CDH18: variants seen among roughly 807,000 people sequenced by gnomAD.
CDH18 encodes the protein cadherin 18, also known as cadherin-18.
In CDH18, 31 loss-of-function variants were observed where a neutral mutation model predicts 67.9. The ratio of observed to expected loss-of-function variants is 0.46; its 90% CI spans 0.34 to 0.62. CDH18 has a LOEUF of 0.62. Ranked by LOEUF, CDH18 falls within the 20% of genes least tolerant of loss-of-function variation. CDH18 has a pLI of 0.01. For synonymous variants in CDH18, 362 were observed against 347.2 expected, an observed-to-expected ratio of 1.04 and a Z score of -0.48; for missense variants, 890 against 975.5, an observed-to-expected ratio of 0.91 and a Z score of 1.17.
chr5:20,161,488 G>A (rs1286446976), intron 2 of CDH18, among the ~76,000 whole-genome samples: 4 of 152,180 alleles, frequency 2.6e-5, no homozygotes, highest in African/African-American at 4.8e-5. Flanking sequence ...TGTGGGACAT[G>A]ACTAGACAAA....
chr5:19,907,222 G>A (rs370127416), intron 2 of CDH18, among the ~76,000 whole-genome samples: 3 of 151,800 alleles, frequency 2.0e-5, no homozygotes, highest in East Asian at 1.9e-4. Context: ...TATCAAACCC[G>A]TGTCTGTAGA....
At chr5:19,605,724 T>C (rs555200523) in intron 6 of CDH18, among the ~76,000 whole-genome samples, 1 of 152,128 alleles carries the variant, frequency 6.6e-6, no homozygotes, top group East Asian at 1.9e-4. Flanking sequence ...AAAGAAACCA[T>C]AACAAAACAA....
intron 1 of CDH18, among the ~76,000 whole-genome samples, chr5:20,574,741 A>G (rs1759022958): frequency 6.6e-6 from 1 of 152,108 alleles, no homozygotes; most frequent in South Asian, 2.1e-4. Context: ...CCATATATTC[A>G]CAGATGCTTA....
chr5:20,039,105 G>T (rs1444384370), intron 2 of CDH18, among the ~76,000 whole-genome samples: 4 of 151,918 alleles, frequency 2.6e-5, no homozygotes, highest in Non-Finnish European at 5.9e-5. Context: ...TTGCTACGAA[G>T]AGAATAAAAT....
intron 2 of CDH18, among the ~76,000 whole-genome samples, chr5:19,872,424 C>G (rs1315142948): frequency 6.6e-6 from 1 of 152,246 alleles, no homozygotes; most frequent in Non-Finnish European, 1.5e-5. Flanking sequence ...AATCAGTTGA[C>G]TGAGGCAATC....
At chr5:19,935,690 C>T (rs904226420) in intron 2 of CDH18, among the ~76,000 whole-genome samples, 6 of 150,784 alleles carry the variant, frequency 4.0e-5, no homozygotes, top group African/African-American at 1.5e-4. Flanking sequence ...TTCATTATCC[C>T]CTTTGTATTT....
chr5:20,255,046 A>G (rs1364993201), intron 2 of CDH18, among the ~76,000 whole-genome samples: 1 of 152,154 alleles, frequency 6.6e-6, no homozygotes, highest in Non-Finnish European at 1.5e-5. Flanking sequence ...CAAATACCAC[A>G]TGTTCTCGCT....
chr5:19,673,498 TTAAAG>T (rs1373804197), intron 5 of CDH18, among the ~76,000 whole-genome samples: 1 of 152,028 alleles, frequency 6.6e-6, no homozygotes, highest in Non-Finnish European at 1.5e-5. Flanking sequence ...AATAAAATCT[TTAAAG>T]TAAACTAACG....
At chr5:20,489,124 A>G (rs979271453) in intron 1 of CDH18, among the ~76,000 whole-genome samples, 10 of 152,128 alleles carry the variant, frequency 6.6e-5, no homozygotes, top group African/African-American at 1.4e-4. Context: ...TGAGACCTCT[A>G]TGCTTCTATA....
intron 1 of CDH18, among the ~76,000 whole-genome samples, chr5:20,509,932 G>T (rs1031938898): frequency 6.6e-6 from 1 of 152,052 alleles, no homozygotes; most frequent in African/African-American, 2.4e-5. Context: ...AGATCATATG[G>T]TAGTTTTATT....
intron 1 of CDH18, among the ~76,000 whole-genome samples, chr5:20,525,942 C>T (rs989943123): frequency 1.3e-5 from 2 of 152,042 alleles, no homozygotes. Flanking sequence ...AAAGAAAAAA[C>T]AGGAGAGTGT....
At chr5:19,667,830 C>T (rs1425095049) in intron 5 of CDH18, among the ~76,000 whole-genome samples, 1 of 151,774 alleles carries the variant, frequency 6.6e-6, no homozygotes, top group African/African-American at 2.4e-5. Flanking sequence ...AATGAAGTAT[C>T]ACCAGGTATC....
At chr5:19,765,334 C>T (rs1170521672) in intron 3 of CDH18, among the ~76,000 whole-genome samples, 1 of 151,638 alleles carries the variant, frequency 6.6e-6, no homozygotes, top group African/African-American at 2.4e-5. Context: ...CTCACTTTCC[C>T]TTGAGGGAAA....
chr5:19,505,932 T>TG (rs1313432201), intron 10 of CDH18, among the ~76,000 whole-genome samples: 1 of 152,308 alleles, frequency 6.6e-6, no homozygotes, highest in East Asian at 1.9e-4. Context: ...AATTTGGCTG[T>TG]GAATCCATCT....
intron 5 of CDH18, among the ~76,000 whole-genome samples, chr5:19,702,933 A>G (rs924417585): frequency 6.6e-6 from 1 of 152,174 alleles, no homozygotes; most frequent in Non-Finnish European, 1.5e-5. Context: ...CTGTGCCTTA[A>G]GGACATGTTC....
intron 3 of CDH18, among the ~76,000 whole-genome samples, chr5:19,765,791 A>G (rs1057366836): frequency 6.6e-6 from 1 of 152,144 alleles, no homozygotes; most frequent in Non-Finnish European, 1.5e-5. Flanking sequence ...AACTCTCCAC[A>G]TTGAAATAAA....
chr5:20,316,704 T>A (rs1306093944), intron 1 of CDH18, among the ~76,000 whole-genome samples: 1 of 151,974 alleles, frequency 6.6e-6, no homozygotes, highest in Non-Finnish European at 1.5e-5. Context: ...AGAAGAGAGA[T>A]ATGATAGTAA....
chr5:20,460,912 T>C (rs1751220482), intron 1 of CDH18, among the ~76,000 whole-genome samples: 1 of 152,202 alleles, frequency 6.6e-6, no homozygotes, highest in Admixed American at 6.5e-5. Flanking sequence ...ACTGAGTACA[T>C]AATTCGTACT....
chr5:20,189,716 T>G (rs1316724776), intron 2 of CDH18, among the ~76,000 whole-genome samples: 5 of 152,156 alleles, frequency 3.3e-5, no homozygotes, highest in African/African-American at 9.6e-5. Context: ...GTCCAATTTA[T>G]ACTACCTCGC....
Sources: allele counts gnomAD v4.1 joint callset (sites outside exome capture counted in the v4.1 genomes callset), GRCh38; gene constraint gnomAD v4.1.1; transcripts MANE v1.5; gene names NCBI Gene and HGNC (gene_info 2026-07-23, HGNC 2026-07-21).